LRRC7: variants seen among roughly 807,000 people sequenced by gnomAD.
The protein encoded by LRRC7 is leucine-rich repeat-containing protein 7.
Under a neutral mutation model 175.7 loss-of-function variants are expected in LRRC7, and 23 were observed. That is an observed-to-expected ratio of 0.13 (90% CI 0.09 to 0.19). The LOEUF (loss-of-function observed/expected upper bound fraction) is 0.19. Among genes scored for constraint, LRRC7 ranks in the 10% least tolerant of loss-of-function variants. The pLI is 1.00. For synonymous variants in LRRC7, 685 were observed against 680.9 expected (o/e 1.01, Z -0.09); for missense variants, 1,354 against 1,904.7 (o/e 0.71, Z 5.38).
chr1:70,042,493 T>G (rs1659998065), intron 21 of LRRC7, among the ~76,000 whole-genome samples: 1 of 152,236 alleles, frequency 6.6e-6, no homozygotes, highest in African/African-American at 2.4e-5. Context: ...TTCAACATAA[T>G]GTTGGTGAAA....
At chr1:69,843,408 G>A (rs1681962822) in intron 7 of LRRC7, among the ~76,000 whole-genome samples, 1 of 152,030 alleles carries the variant, frequency 6.6e-6, no homozygotes, top group Non-Finnish European at 1.5e-5. Context: ...ATTATCATCT[G>A]TGAAGTTTTT....
intron 11 of LRRC7, among the ~76,000 whole-genome samples, chr1:70,006,670 A>C (rs1477871120): frequency 1.3e-5 from 2 of 152,086 alleles, no homozygotes; most frequent in Non-Finnish European, 2.9e-5. Flanking sequence ...AGTTAGAATC[A>C]GATCCCACAG....
chr1:69,727,046 A>G (rs375723127), intron 2 of LRRC7, among the ~76,000 whole-genome samples: 21 of 152,310 alleles, frequency 1.4e-4, no homozygotes, highest in Non-Finnish European at 2.6e-4. Context: ...ACATGCCTCA[A>G]TGGAACCTAA....
intron 2 of LRRC7, among the ~76,000 whole-genome samples, chr1:69,734,267 G>T (rs1374979113): frequency 6.6e-6 from 1 of 151,838 alleles, no homozygotes; most frequent in African/African-American, 2.4e-5. Context: ...ACCTCTATCT[G>T]AACACCCTTT....
Position 70,141,678 on chromosome 1 carries a change from ATACT to A in LRRC7, c.*19794_*19797del, listed in dbSNP as rs760872392. 1.3e-5 allele frequency: 2 copies of A among 152,136 alleles called. No individual in the cohort carries two copies. The highest frequency in any genetic ancestry group is 2.1e-4 in the South Asian group (1 of 4,830). The allele number at this position is 152,136 out of a possible 1,614,324, so 9.4% of individuals were successfully genotyped here. On this transcript the variant is annotated 3_prime_UTR_variant, in exon 27 of 27. Transcript: ENST00000651989. ...TTTGCTGGATCTTATAAAATATGTG[ATACT>A]TAAGTACACTGAAGTTTTAAAGTTA...
intron 3 of LRRC7, among the ~76,000 whole-genome samples, chr1:69,776,875 T>TCAGA (rs916649234): frequency 1.3e-5 from 2 of 151,586 alleles, no homozygotes; most frequent in Non-Finnish European, 2.9e-5. Context: ...TATTTATTGC[T>TCAGA]CAGACAGTTA....
chr1:69,957,983 T>C (rs1171392203), intron 8 of LRRC7, among the ~76,000 whole-genome samples: 1 of 151,968 alleles, frequency 6.6e-6, no homozygotes, highest in Non-Finnish European at 1.5e-5. Context: ...TAAAAACATG[T>C]ATTTTCAACA....
chr1:69,887,573 A>G (rs1353538060), intron 7 of LRRC7, among the ~76,000 whole-genome samples: 5 of 151,970 alleles, frequency 3.3e-5, no homozygotes, highest in East Asian at 1.9e-4. Flanking sequence ...ATGTCCTCCC[A>G]TAGCTCAGAG....
chr1:69,662,317 G>T (rs1281519321), intron 1 of LRRC7, among the ~76,000 whole-genome samples: 7 of 151,922 alleles, frequency 4.6e-5, no homozygotes, highest in Non-Finnish European at 1.0e-4. Flanking sequence ...GTTTACAAAA[G>T]GTAAAATCTA....
intron 25 of LRRC7, among the ~76,000 whole-genome samples, chr1:70,100,612 C>A (rs371477103): frequency 6.6e-4 from 100 of 152,018 alleles, no homozygotes; most frequent in African/African-American, 2.3e-3. Context: ...ACTGAAATTC[C>A]TTTCTATGTG....
Position 69,631,926 on chromosome 1 carries a change from C to T in LRRC7, c.3-46455C>T, listed in dbSNP as rs114860936. Among the ~76,000 whole-genome samples, 1,485 of 151,950 alleles carry T rather than the reference C, an allele frequency of 9.8e-3. 24 individuals carry two copies. Among genetic ancestry groups the T allele is most frequent in the African/African-American group, 0.034 (1,417 of 41,438 alleles). Reference sequence around the variant, plus strand: ...ATGTCTGTTTCCTACTCATATCACTCCAAAGCCTCCCTTGTTGACTTAAGG... The same window carrying T: ...ATGTCTGTTTCCTACTCATATCACTTCAAAGCCTCCCTTGTTGACTTAAGG... On this transcript the variant is annotated intron_variant, in intron 1 of 26. Transcript: ENST00000651989.
intron 25 of LRRC7, among the ~76,000 whole-genome samples, chr1:70,103,392 A>G (rs1664933148): frequency 6.6e-6 from 1 of 152,168 alleles, no homozygotes; most frequent in South Asian, 2.1e-4. Context: ...TTAAAAATGG[A>G]GAATCTTTCC....
intron 25 of LRRC7, among the ~76,000 whole-genome samples, chr1:70,103,447 GA>G (rs1664936917): frequency 1.3e-5 from 2 of 152,106 alleles, no homozygotes; most frequent in Admixed American, 1.3e-4. Context: ...AATGGTCAGA[GA>G]GGTTCACCAT....
At chr1:69,623,783 C>T (rs143790802) in intron 1 of LRRC7, among the ~76,000 whole-genome samples, 227 of 152,292 alleles carry the variant, frequency 1.5e-3, no homozygotes, top group South Asian at 0.014. Context: ...CTCCTGACCT[C>T]AGGTGATCCA....
chr1:69,737,763 G>A (rs529992269), intron 2 of LRRC7, among the ~76,000 whole-genome samples: 10 of 152,040 alleles, frequency 6.6e-5, no homozygotes, highest in Non-Finnish European at 1.5e-4. Flanking sequence ...AAAGACTGTT[G>A]TGCAATACTG....
intron 2 of LRRC7, among the ~76,000 whole-genome samples, chr1:69,728,049 C>G (rs1667168703): frequency 6.6e-6 from 1 of 152,118 alleles, no homozygotes; most frequent in Non-Finnish European, 1.5e-5. Flanking sequence ...TGGCAGTCAC[C>G]TGAGATGTGT....
intron 1 of LRRC7, among the ~76,000 whole-genome samples, chr1:69,615,729 T>G (rs1197853245): frequency 6.6e-6 from 1 of 152,022 alleles, no homozygotes; most frequent in Non-Finnish European, 1.5e-5. Flanking sequence ...AAGATTCAAT[T>G]GTACAAAATT....
chr1:69,934,107 A>G (rs1647693651), intron 8 of LRRC7, among the ~76,000 whole-genome samples: 2 of 152,166 alleles, frequency 1.3e-5, no homozygotes, highest in South Asian at 4.1e-4. Context: ...TGAATGAGAA[A>G]ATAAGAGATT....
intron 8 of LRRC7, among the ~76,000 whole-genome samples, chr1:69,963,358 A>C (rs1340092877): frequency 6.6e-6 from 1 of 152,070 alleles, no homozygotes; most frequent in Non-Finnish European, 1.5e-5. Context: ...ATTTGCAAAG[A>C]CCAGATTGCA....
Sources: gnomAD v4.1 joint callset for allele counts (sites outside exome capture counted in the v4.1 genomes callset) on GRCh38, gnomAD v4.1.1 for gene constraint, MANE v1.5 for transcripts, NCBI Gene and HGNC (gene_info 2026-07-23, HGNC 2026-07-21) for gene names.